Variants in EYS observed in about 807,000 individuals in gnomAD.
EYS encodes the protein protein eyes shut homolog.
EYS carries 250 observed loss-of-function variants against 282.1 expected under a neutral mutation model. The observed-to-expected ratio is 0.89, with a 90% CI of 0.80 to 0.98. EYS has a LOEUF of 0.98. Among genes scored for constraint, EYS ranks in the 50% least tolerant of loss-of-function variants. The probability of loss-of-function intolerance (pLI) is 0.00; values close to 1 mark genes in which losing one functional copy is unlikely to be tolerated. For missense variants in EYS, 4,016 were observed against 3,709.0 expected, an observed-to-expected ratio of 1.08 and a Z score of -2.15; for synonymous variants, 1,355 against 1,282.9, an observed-to-expected ratio of 1.06 and a Z score of -1.20.
At chr6:64,957,081 C>A (rs946971766) in intron 14 of EYS, among the ~76,000 whole-genome samples, 2 of 152,104 alleles carry the variant, frequency 1.3e-5, no homozygotes, top group East Asian at 3.9e-4. Context: ...GGTATACACC[C>A]CCCAAATGAA....
At chr6:65,363,472 T>A (rs1764793690) in intron 8 of EYS, among the ~76,000 whole-genome samples, 1 of 151,966 alleles carries the variant, frequency 6.6e-6, no homozygotes, top group South Asian at 2.1e-4. Context: ...GAAAAATAAC[T>A]CCTTTAAGTA....
chr6:65,233,733 T>C (rs1313179929), intron 12 of EYS, among the ~76,000 whole-genome samples: 3 of 152,194 alleles, frequency 2.0e-5, no homozygotes, highest in African/African-American at 7.2e-5. Flanking sequence ...ATTTTATCTT[T>C]ACGTTTAGCT....
chr6:65,027,355 T>C (rs1164127747), intron 13 of EYS, among the ~76,000 whole-genome samples: 1 of 152,222 alleles, frequency 6.6e-6, no homozygotes, highest in Non-Finnish European at 1.5e-5. Flanking sequence ...TTAGAAGTTT[T>C]TGTGACAGTC....
chr6:64,403,969 G>A (rs1773621624), intron 28 of EYS, among the ~76,000 whole-genome samples: 1 of 152,138 alleles, frequency 6.6e-6, no homozygotes, highest in South Asian at 2.1e-4. Flanking sequence ...CTGAGATGTT[G>A]GGAGCTTGTG....
intron 13 of EYS, among the ~76,000 whole-genome samples, chr6:65,042,000 T>A (rs1375285818): frequency 6.6e-6 from 1 of 151,692 alleles, no homozygotes; most frequent in Non-Finnish European, 1.5e-5. Flanking sequence ...AACAAACAAC[T>A]GACTTAGAGA....
chr6:64,600,755 T>C (rs1766738470), intron 24 of EYS, among the ~76,000 whole-genome samples: 1 of 152,124 alleles, frequency 6.6e-6, no homozygotes, highest in Non-Finnish European at 1.5e-5. Flanking sequence ...TACTTGATGG[T>C]CAGTAAACAT....
At position 64,591,802 on chromosome 6, in the gene EYS, A is replaced by T; in HGVS notation, c.4065T>A (p.Ile1355=). The change falls in exon 26 of 43, where the codon ATT becomes ATA. Residue 1355 remains isoleucine (I), a synonymous_variant. Transcript: ENST00000503581. ...CCTGGACAATTTGTGCTGGGTCACG[A>T]ATACCAAAATTCAGGAATCGAGAAG... ...VSSSRFLNFG[I]RDPAQIVQDK... The T allele has an allele frequency of 6.4e-7, 1 of 1,551,304 alleles. No homozygotes were observed.
At chr6:64,844,447 A>G (rs1157741251) in intron 19 of EYS, among the ~76,000 whole-genome samples, 2 of 151,674 alleles carry the variant, frequency 1.3e-5, no homozygotes, top group Non-Finnish European at 2.9e-5. Context: ...TATACCAATC[A>G]TGAGATATTG....
chr6:65,276,311 T>C (rs928445866), intron 12 of EYS, among the ~76,000 whole-genome samples: 2 of 152,136 alleles, frequency 1.3e-5, no homozygotes, highest in African/African-American at 2.4e-5. Flanking sequence ...CCATTATTCC[T>C]AGTGACCCAC....
chr6:65,535,063 T>C (rs1051713231), intron 2 of EYS, among the ~76,000 whole-genome samples: 1 of 152,136 alleles, frequency 6.6e-6, no homozygotes, highest in African/African-American at 2.4e-5. Flanking sequence ...TGTTAGTTAC[T>C]ATAAGGAATT....
At chr6:63,931,615 A>G (rs1214287107) in intron 35 of EYS, among the ~76,000 whole-genome samples, 1 of 152,154 alleles carries the variant, frequency 6.6e-6, no homozygotes, top group Non-Finnish European at 1.5e-5. Flanking sequence ...AACCCTGACT[A>G]TTGTTAACAT....
chr6:63,958,034 C>T (rs576943729), intron 35 of EYS, among the ~76,000 whole-genome samples: 25 of 140,474 alleles, frequency 1.8e-4, no homozygotes, highest in African/African-American at 5.8e-4. Flanking sequence ...AATTCAAGAA[C>T]AAGAATTTTC....
intron 8 of EYS, among the ~76,000 whole-genome samples, chr6:65,365,360 G>T (rs1040601035): frequency 6.6e-6 from 1 of 151,518 alleles, no homozygotes; most frequent in African/African-American, 2.4e-5. Context: ...GATTGGAAAT[G>T]ATTATGAAGA....
chr6:64,005,533 A>G (rs180904154), intron 33 of EYS, among the ~76,000 whole-genome samples: 82 of 152,256 alleles, frequency 5.4e-4, no homozygotes, highest in African/African-American at 1.9e-3. Flanking sequence ...TTTGTCATGA[A>G]ATCTTTGCCA....
At chr6:64,255,241 C>A (rs1345681638) in intron 30 of EYS, among the ~76,000 whole-genome samples, 1 of 151,936 alleles carries the variant, frequency 6.6e-6, no homozygotes, top group African/African-American at 2.4e-5. Flanking sequence ...AAAACTGAGA[C>A]CCAGTCTTGC....
chr6:65,343,771 C>T (rs1770286549), intron 10 of EYS, among the ~76,000 whole-genome samples: 1 of 151,190 alleles, frequency 6.6e-6, no homozygotes, highest in Non-Finnish European at 1.5e-5. Context: ...AGTCAGCCTG[C>T]AAATTATAAC....
At chr6:65,582,187 C>A (rs1582481966) in intron 2 of EYS, among the ~76,000 whole-genome samples, 1 of 138,720 alleles carries the variant, frequency 7.2e-6, no homozygotes, top group South Asian at 2.4e-4. Flanking sequence ...CAGAGTGAGA[C>A]TCCATCTCAA....
chr6:65,699,514 A>G lies in EYS; in HGVS notation c.-448+7621T>C, dbSNP rs1184877277. Among the ~76,000 whole-genome samples, 3 of 152,228 alleles carry G rather than the reference A, an allele frequency of 2.0e-5. No homozygotes were observed. The East Asian group carries it at 5.8e-4, about 29-fold the overall frequency. On this transcript the variant is annotated intron_variant, in intron 1 of 42. Transcript: ENST00000503581. ...AACCAATAAGCCAACAGATGTAAGT[A>G]GTAGTCATGTACCCAATTTCACAGA... is the stretch of plus-strand genomic sequence containing the variant.
At chr6:64,908,016 C>A (rs772487162) in intron 16 of EYS, among the ~76,000 whole-genome samples, 3 of 152,082 alleles carry the variant, frequency 2.0e-5, no homozygotes, top group East Asian at 3.9e-4. Context: ...ATAAATCATG[C>A]GAAACATAAC....
Sources: allele counts gnomAD v4.1 joint callset (sites outside exome capture counted in the v4.1 genomes callset), GRCh38; gene constraint gnomAD v4.1.1; transcripts MANE v1.5; gene names NCBI Gene and HGNC (gene_info 2026-07-23, HGNC 2026-07-21).